Variants in SERPINB3 observed in about 807,000 individuals in gnomAD.
The protein encoded by SERPINB3 is serpin B3.
A neutral mutation model predicts 33.0 loss-of-function variants in SERPINB3; 33 were observed. The ratio of observed to expected loss-of-function variants is 1.00; its 90% CI spans 0.76 to 1.34. The LOEUF is 1.34. SERPINB3 is among the 40% of genes most tolerant of loss of function. SERPINB3 has a pLI of 0.00. For synonymous variants in SERPINB3, 200 were observed against 170.9 expected (o/e 1.17, Z -1.33); for missense variants, 518 against 461.5 (o/e 1.12, Z -1.12).
intron 2 of SERPINB3, 55 bp from the exon 3 acceptor site, chr18:63,660,911 T>C: frequency 6.2e-7 from 1 of 1,612,618 alleles, no homozygotes; most frequent in East Asian, 2.2e-5. Flanking sequence ...TCTGTTTAAG[T>C]CAGTGGTCTC....
In SERPINB3 at chr18:63,661,846, C is replaced by G. The variant is rs1311103961; in HGVS notation, c.-27G>C. 1 of 152,512 alleles carries G rather than the reference C, an allele frequency of 6.6e-6. No homozygotes were observed. The highest frequency in any genetic ancestry group is 2.4e-5 in the African/African-American group (1 of 41,340). The allele number at this position is 152,512 out of a possible 1,614,324, so 9.4% of individuals were successfully genotyped here. A position where few individuals can be genotyped will look rare whatever the true frequency, so the allele number is the denominator to read the frequency against. On this transcript the variant is annotated splice_region_variant and 5_prime_UTR_variant, in exon 1 of 8. Transcript: ENST00000283752. Reference sequence around the variant, plus strand: ...AGCTGGAGAGGCTTGAAGCTCTTACCTGTGTTCCTAGAGGAAGCAGAGGTG... The same window carrying G: ...AGCTGGAGAGGCTTGAAGCTCTTACGTGTGTTCCTAGAGGAAGCAGAGGTG...
At position 63,655,635 on chromosome 18, in the gene SERPINB3, T is replaced by C. The variant is rs1256021864; in HGVS notation, c.*22A>G. The C allele has an allele frequency of 6.4e-7, 1 of 1,571,150 alleles. No individual in the cohort carries two copies. The highest frequency in any genetic ancestry group is 8.7e-7 in the Non-Finnish European group (1 of 1,154,850). On this transcript the variant is annotated 3_prime_UTR_variant, in exon 8 of 8. Coordinates refer to ENST00000283752, the MANE Select transcript of SERPINB3 (RefSeq NM_006919.3). Reference sequence around the variant, plus strand: ...CATCTGCAGGTGAACATTTTCCAAATGGAGTGACAGACTAATTGCATCTAC... The same window carrying C: ...CATCTGCAGGTGAACATTTTCCAAACGGAGTGACAGACTAATTGCATCTAC...
chr18:63,657,293 C>T lies in SERPINB3; in HGVS notation c.589G>A (p.Glu197Lys). The change falls in exon 6 of 8, where the codon GAG (glutamate) becomes AAG (lysine). Residue 197 changes from glutamate (E) to lysine (K), a missense_variant. Glu to Lys is a moderately conservative substitution (Grantham distance 56). Coordinates refer to ENST00000283752, the MANE Select transcript of SERPINB3 (RefSeq NM_006919.3). ...ACCTTGTTTGGCCAAAATTTTTCCTCTTTAGTATCTTCTTTATTAAATTTC... is the reference window on the plus strand; with the variant it reads ...ACCTTGTTTGGCCAAAATTTTTCCTTTTTAGTATCTTCTTTATTAAATTTC... ...EKKFNKEDTK[E>K]EKFWPNKNTY... 3 of 1,596,640 alleles carry T rather than the reference C, an allele frequency of 1.9e-6. No individual in the cohort carries two copies. Among genetic ancestry groups the T allele is most frequent in the Non-Finnish European group, 2.6e-6 (3 of 1,168,308 alleles).
rs995352702 is a variant in SERPINB3, at chr18:63,658,705, A to T, written c.352-75T>A. ...TATATATTACCAAATTTAGTTATTT[A>T]TAATTATAGTAAGCTGAATCCAGAC... is the stretch of plus-strand genomic sequence containing the variant. On this transcript the variant is annotated intron_variant, in intron 4 of 7. Transcript: ENST00000283752. The T allele has an allele frequency of 4.0e-5, 47 of 1,162,576 alleles. 2 individuals are homozygous for T. In the Middle Eastern group the frequency reaches 6.1e-4, roughly 15 times the overall value. The allele number at this position is 1,162,576 out of a possible 1,614,324, so 72.0% of individuals were successfully genotyped here.
rs1913655349 is a variant in SERPINB3, at chr18:63,661,874, CAG to C, written c.-57_-56del. On this transcript the variant is annotated 5_prime_UTR_variant, in exon 1 of 8. Coordinates refer to ENST00000283752, the MANE Select transcript of SERPINB3 (RefSeq NM_006919.3). ...TGTTCCTAGAGGAAGCAGAGGTGGG[CAG>C]AGAGGCTATGTGTGTCTGTGGAATG... 1 of 152,478 alleles carries C rather than the reference CAG, an allele frequency of 6.6e-6. No homozygotes were observed. Among genetic ancestry groups the C allele is most frequent in the South Asian group, 2.1e-4 (1 of 4,812 alleles). 9.4% of individuals were successfully genotyped at this position (152,478 alleles called of 1,614,324 possible). A position where few individuals can be genotyped will look rare whatever the true frequency, so the allele number is the denominator to read the frequency against.
In SERPINB3 at chr18:63,657,043, A is replaced by G. The variant is rs1399970552; in HGVS notation, c.613-57T>C. 1.2e-5 allele frequency: 17 copies of G among 1,457,634 alleles called. No individual in the cohort carries two copies. In the Admixed American group the frequency reaches 2.2e-4, roughly 19 times the overall value. 90.3% of individuals were successfully genotyped at this position (1,457,634 alleles called of 1,614,324 possible). A position where few individuals can be genotyped will look rare whatever the true frequency, so the allele number is the denominator to read the frequency against. ...AAGTGAGACACAAGGCAAAAAGATA[A>G]TATTATTGAGATATCAACACATCCT... On this transcript the variant is annotated intron_variant, in intron 6 of 7. Transcript: ENST00000283752.
rs567664488 is a variant in SERPINB3 at position 63,657,359 on chromosome 18, C to A, written c.523G>T (p.Val175Phe). The change falls in exon 6 of 8, where the codon GTT becomes TTT. Residue 175 changes from valine to phenylalanine, a missense_variant. Val to Phe is a conservative substitution (Grantham distance 50). Coordinates refer to ENST00000283752, the MANE Select transcript of SERPINB3 (RefSeq NM_006919.3). Reference sequence around the variant, plus strand: ...TTGAAATAGATTGCGTTCACAAGAACCAATGTGGTATTGCTGCCAATATTA... The same window carrying A: ...TTGAAATAGATTGCGTTCACAAGAAACAATGTGGTATTGCTGCCAATATTA... Reference protein sequence around the residue: ...EGNIGSNTTLVLVNAIYFKGQ... With the variant: ...EGNIGSNTTLFLVNAIYFKGQ... 1 of 1,610,266 alleles carries A rather than the reference C, an allele frequency of 6.2e-7. No individual in the cohort carries two copies. The highest frequency in any genetic ancestry group is 1.3e-5 in the African/African-American group (1 of 74,914).
rs139751574 is a variant in SERPINB3 at position 63,660,811 on chromosome 18, C to T, written c.211G>A (p.Ala71Thr). The change falls in exon 3 of 8, where the codon GCA becomes ACA. Residue 71 changes from alanine (A) to threonine (T), a missense_variant. Transcript: ENST00000283752. ...QVTENTTGKA[A>T]TYHVDRSGNV... is the part of the protein sequence containing the mutation. ...GCTCTGTGACTCACATGATATGTTG[C>T]AGCTTTTCCTGTGGTGTTCTCTGTG... The T allele has an allele frequency of 6.2e-7, 1 of 1,613,344 alleles. No individual in the cohort carries two copies. Among genetic ancestry groups the T allele is most frequent in the Non-Finnish European group, 8.5e-7 (1 of 1,179,570 alleles).
intron 2 of SERPINB3, 76 bp from the exon 3 acceptor site, chr18:63,660,932 G>A: frequency 6.2e-7 from 1 of 1,611,752 alleles, no homozygotes; most frequent in Non-Finnish European, 8.5e-7. Flanking sequence ...ACAGTTACGG[G>A]AATTCCTGCT....
intron 4 of SERPINB3, among the ~76,000 whole-genome samples, chr18:63,659,063 C>T (rs1424767363): frequency 6.6e-6 from 1 of 152,100 alleles, no homozygotes; most frequent in Admixed American, 6.6e-5. Context: ...CAATAATATC[C>T]CATTAGTCAT....
In SERPINB3 at chr18:63,660,971, C is replaced by T. The variant is rs1913627668; in HGVS notation, c.165+81G>A. The T allele has an allele frequency of 2.5e-6, 4 of 1,609,048 alleles. No homozygotes were observed. In the African/African-American group the frequency reaches 4.0e-5, roughly 16 times the overall value. ...CCCCCTGTGCTACCCATCAGACCAC[C>T]ACATCTATTACCATCTGCGTGCTAG... On this transcript the variant is annotated intron_variant, in intron 2 of 7. Coordinates refer to ENST00000283752, the MANE Select transcript of SERPINB3 (RefSeq NM_006919.3).
chr18:63,661,354 A>C, intron 1 of SERPINB3, 112 bp from the exon 2 acceptor site: 1 of 1,193,872 alleles, frequency 8.4e-7, no homozygotes, highest in Non-Finnish European at 1.2e-6. Context: ...TTGACATTTA[A>C]AGTTTTCCTC....
At position 63,655,749 on chromosome 18, in the gene SERPINB3, C is replaced by T. The variant is rs761063030; in HGVS notation, c.1081G>A (p.Glu361Lys). 59 of 1,613,702 alleles carry T rather than the reference C, an allele frequency of 3.7e-5. No individual in the cohort carries two copies. The African/African-American group carries it at 5.2e-4, about 14-fold the overall frequency. Residue 361 changes from glutamate (E) to lysine (K), a missense_variant, in exon 8 of 8, where the codon GAA becomes AAA. Physicochemically the swap from Glu to Lys is moderately conservative, Grantham distance 56. Transcript: ENST00000283752. ...GFGSSPTSTNEEFHCNHPFLF... is the reference protein window; with the variant it reads ...GFGSSPTSTNKEFHCNHPFLF... ...AAAGGGTGATTACAATGGAACTCTT[C>T]ATTAGTTGAAGTAGGTGATGATCCG...
intron 3 of SERPINB3, among the ~76,000 whole-genome samples, chr18:63,660,395 T>G (rs1913610166): frequency 6.6e-6 from 1 of 152,166 alleles, no homozygotes; most frequent in South Asian, 2.1e-4. Context: ...TAACATTTAT[T>G]ATGACATTTT....
chr18:63,656,753 CT>C, intron 7 of SERPINB3, 77 bp downstream of exon 7: 1 of 1,483,258 alleles, frequency 6.7e-7, no homozygotes, highest in Non-Finnish European at 9.1e-7. Context: ...CGGTCACCAG[CT>C]TTTACCTTGT....
chr18:63,655,319 A>G lies in SERPINB3; in HGVS notation c.*338T>C, dbSNP rs1425707086. The G allele has an allele frequency of 5.2e-6, 1 of 193,912 alleles. No individual in the cohort carries two copies. Among genetic ancestry groups the G allele is most frequent in the Non-Finnish European group, 1.1e-5 (1 of 94,866 alleles). The allele number at this position is 193,912 out of a possible 1,614,324, so 12.0% of individuals were successfully genotyped here. ...GTGTGTTTCTAGGTTGCTAAATTCA[A>G]AGAAAAAGTATGATTTGGTTTGGTT... is the stretch of plus-strand genomic sequence containing the variant. On this transcript the variant is annotated 3_prime_UTR_variant, in exon 8 of 8. Coordinates refer to ENST00000283752, the MANE Select transcript of SERPINB3 (RefSeq NM_006919.3).
chr18:63,656,699 G>T, intron 7 of SERPINB3, 132 bp downstream of exon 7: 3 of 1,073,088 alleles, frequency 2.8e-6, no homozygotes, highest in Non-Finnish European at 3.9e-6. Flanking sequence ...ATGAAGGTGA[G>T]TCATCATTCC....
rs775604979 is a variant in SERPINB3, at chr18:63,661,127, G to T, written c.90C>A (p.Ser30=). The T allele has an allele frequency of 1.2e-6, 2 of 1,613,600 alleles. No homozygotes were observed. The highest frequency in any genetic ancestry group is 1.7e-6 in the Non-Finnish European group (2 of 1,179,672). The change falls in exon 2 of 8, where the codon TCC becomes TCA. Residue 30 remains serine (S), a synonymous_variant. Coordinates refer to ENST00000283752, the MANE Select transcript of SERPINB3 (RefSeq NM_006919.3). ...CTAATGCTGATGTGATGCTGATAGG[G>T]GAATAGAAGATGTTGTTCTCTTTTG... The part of the protein sequence containing the change: ...RKSKENNIFY[S]PISITSALGM...
chr18:63,659,233 G>C, intron 4 of SERPINB3, 166 bp downstream of exon 4: 2 of 718,270 alleles, frequency 2.8e-6, no homozygotes, highest in South Asian at 3.3e-5. Context: ...TTAGGGTCTG[G>C]GACACTCCAG....
Sources: gnomAD v4.1 joint callset for allele counts (sites outside exome capture counted in the v4.1 genomes callset) on GRCh38, gnomAD v4.1.1 for gene constraint, MANE v1.5 for transcripts, NCBI Gene and HGNC (gene_info 2026-07-23, HGNC 2026-07-21) for gene names.